Variants in ADAMTS2 observed in about 807,000 individuals in gnomAD.
The protein encoded by ADAMTS2 is A disintegrin and metalloproteinase with thrombospondin motifs 2.
ADAMTS2 carries 50 observed loss-of-function variants against 123.0 expected under a neutral mutation model. The observed-to-expected ratio is 0.41, with a 90% CI of 0.32 to 0.51. The LOEUF (loss-of-function observed/expected upper bound fraction) is 0.51. Among genes scored for constraint, ADAMTS2 ranks in the 20% least tolerant of loss-of-function variants. The probability of loss-of-function intolerance (pLI) is 0.35; values close to 1 mark genes in which losing one functional copy is unlikely to be tolerated. For synonymous variants in ADAMTS2, 678 were observed against 695.4 expected (o/e 0.98, Z 0.39); for missense variants, 1,494 against 1,705.2 (o/e 0.88, Z 2.18).
At chr5:179,215,869 G>A (rs922543889) in intron 3 of ADAMTS2, among the ~76,000 whole-genome samples, 3 of 152,216 alleles carry the variant, frequency 2.0e-5, no homozygotes, top group African/African-American at 7.2e-5. Flanking sequence ...CAGGAAAACA[G>A]TGGAGGAAAG....
At chr5:179,145,846 T>A (rs1462047565) in intron 10 of ADAMTS2, among the ~76,000 whole-genome samples, 1 of 152,206 alleles carries the variant, frequency 6.6e-6, no homozygotes, top group African/African-American at 2.4e-5. Flanking sequence ...TTGTACACTC[T>A]CTTTTACTTA....
At chr5:179,134,725 G>A (rs112749611) in intron 13 of ADAMTS2, among the ~76,000 whole-genome samples, 3 of 113,916 alleles carry the variant, frequency 2.6e-5, no homozygotes, top group Non-Finnish European at 6.6e-5. Flanking sequence ...GCACCCTCCC[G>A]GCTCCAGCTC....
chr5:179,246,397 T>C (rs932165021), intron 3 of ADAMTS2, among the ~76,000 whole-genome samples: 1 of 152,138 alleles, frequency 6.6e-6, no homozygotes, highest in South Asian at 2.1e-4. Flanking sequence ...GGTAAATGTA[T>C]TAGCTGCAGA....
intron 10 of ADAMTS2, among the ~76,000 whole-genome samples, chr5:179,147,597 C>G (rs888234392): frequency 2.0e-5 from 3 of 152,236 alleles, no homozygotes; most frequent in African/African-American, 7.2e-5. Context: ...AGCACACAGC[C>G]TGTATTCTGC....
chr5:179,130,101 G>A lies in ADAMTS2; in HGVS notation c.2291-3C>T, dbSNP rs1489283467. ...GCCTGTCTCCAGGTTCTTGACGGCT[G>A]AGAATGGCAAGACCAAGTCCCCCGT... On this transcript the variant is annotated splice_polypyrimidine_tract_variant and splice_region_variant and intron_variant, in intron 15 of 21. Coordinates refer to ENST00000251582, the MANE Select transcript of ADAMTS2 (RefSeq NM_014244.5). This position sits in a 1 kb window ranked among gnomAD's most constrained non-coding sequence, Gnocchi z 4.3. 1 of 1,613,808 alleles carries A rather than the reference G, an allele frequency of 6.2e-7. No homozygotes were observed. The highest frequency in any genetic ancestry group is 1.3e-5 in the African/African-American group (1 of 74,950).
intron 4 of ADAMTS2, among the ~76,000 whole-genome samples, chr5:179,187,095 C>T (rs1027017236): frequency 6.6e-6 from 1 of 152,182 alleles, no homozygotes; most frequent in Non-Finnish European, 1.5e-5. Flanking sequence ...GCTGCCCTCT[C>T]CTGCTGCCTG....
chr5:179,309,476 A>G (rs903762252), intron 2 of ADAMTS2, among the ~76,000 whole-genome samples: 1 of 152,178 alleles, frequency 6.6e-6, no homozygotes, highest in African/African-American at 2.4e-5. Context: ...CCCTCCAGAC[A>G]CTGCAGAAAG....
chr5:179,236,360 C>A (rs1403754516), intron 3 of ADAMTS2, among the ~76,000 whole-genome samples: 1 of 152,202 alleles, frequency 6.6e-6, no homozygotes, highest in Non-Finnish European at 1.5e-5. Flanking sequence ...AGGAGACTAA[C>A]CATCAAATTC....
intron 4 of ADAMTS2, among the ~76,000 whole-genome samples, chr5:179,200,334 C>G (rs1475148377): frequency 6.6e-6 from 1 of 150,964 alleles, no homozygotes; most frequent in Non-Finnish European, 1.5e-5. Flanking sequence ...CCGCAACCTC[C>G]GCCTCCCAGG....
intron 2 of ADAMTS2, among the ~76,000 whole-genome samples, chr5:179,299,796 C>A (rs1439788790): frequency 6.6e-6 from 1 of 152,052 alleles, no homozygotes; most frequent in Non-Finnish European, 1.5e-5. Context: ...CTGCCTCCAT[C>A]TTCTACTTTT....
At position 179,317,602 on chromosome 5, in the gene ADAMTS2, T is replaced by C. The variant is rs1051439421; in HGVS notation, c.534+26165A>G. On this transcript the variant is annotated intron_variant, in intron 2 of 21. Coordinates refer to ENST00000251582, the MANE Select transcript of ADAMTS2 (RefSeq NM_014244.5). The surrounding 1 kb of genome is among the most constrained non-coding windows in gnomAD (Gnocchi z 4.9). ...TGGGTGGCCAGCAGCACTGCAGTGTTGGTGTAATCTATGTCCCCCGGATGG... is the reference window on the plus strand; with the variant it reads ...TGGGTGGCCAGCAGCACTGCAGTGTCGGTGTAATCTATGTCCCCCGGATGG... Among the ~76,000 whole-genome samples the C allele has an allele frequency of 3.3e-5, 5 of 152,104 alleles. No homozygotes were observed. Among genetic ancestry groups the C allele is most frequent in the African/African-American group, 1.2e-4 (5 of 41,422 alleles).
At position 179,158,827 on chromosome 5, in the gene ADAMTS2, C is replaced by G. The variant is rs1434089257; in HGVS notation, c.1028G>C (p.Cys343Ser). ...CTTCTGCTGGAGGTAGGCCCAGCGG[C>G]AGACATTCTCCAGGCTCTGAGAGGG... Reference protein sequence around the residue: ...GNPSQSLENVCRWAYLQQKPD... With the variant: ...GNPSQSLENVSRWAYLQQKPD... Residue 343 changes from cysteine to serine, a missense_variant, in exon 6 of 22, where the codon TGC becomes TCC. By Grantham distance (112) the Cys-to-Ser change is moderately radical. Coordinates refer to ENST00000251582, the MANE Select transcript of ADAMTS2 (RefSeq NM_014244.5). The surrounding 1 kb of genome is among the most constrained non-coding windows in gnomAD (Gnocchi z 5.0). 2 of 1,614,208 alleles carry G rather than the reference C, an allele frequency of 1.2e-6. No individual in the cohort carries two copies. Among genetic ancestry groups the G allele is most frequent in the African/African-American group, 1.3e-5 (1 of 75,074 alleles).
intron 3 of ADAMTS2, among the ~76,000 whole-genome samples, chr5:179,229,358 C>T (rs529009638): frequency 5.2e-5 from 5 of 96,262 alleles, no homozygotes; most frequent in South Asian, 4.1e-4. Flanking sequence ...CCACTCCCGA[C>T]GGAGAGGTAA....
At chr5:179,166,072 T>G (rs1457483663) in intron 5 of ADAMTS2, among the ~76,000 whole-genome samples, 1 of 152,120 alleles carries the variant, frequency 6.6e-6, no homozygotes, top group African/African-American at 2.4e-5. Flanking sequence ...ACTGCCCGAG[T>G]GCTCTGGGGC....
intron 3 of ADAMTS2, among the ~76,000 whole-genome samples, chr5:179,209,533 C>A (rs1764799743): frequency 6.6e-6 from 1 of 150,862 alleles, no homozygotes; most frequent in African/African-American, 2.5e-5. Flanking sequence ...CACACACACA[C>A]ACATGCACAC....
chr5:179,214,586 G>C (rs1023510723), intron 3 of ADAMTS2, among the ~76,000 whole-genome samples: 1 of 142,460 alleles, frequency 7.0e-6, no homozygotes, highest in Non-Finnish European at 1.6e-5. Context: ...CAAGAAAGCA[G>C]AGTGGAAAAA....
chr5:179,126,199 G>A (rs1762855197), intron 17 of ADAMTS2, 69 bp from the exon 18 acceptor site: 1 of 1,599,162 alleles, frequency 6.3e-7, no homozygotes, highest in African/African-American at 1.3e-5. Context: ...AGGAGGGGTG[G>A]GCTGCACCAG....
intron 6 of ADAMTS2, among the ~76,000 whole-genome samples, chr5:179,156,468 T>C (rs1763474342): frequency 6.6e-6 from 1 of 151,560 alleles, no homozygotes. Flanking sequence ...CAGTCCATTC[T>C]ACTGCCTCAG....
chr5:179,221,914 C>A (rs756181513), intron 3 of ADAMTS2, among the ~76,000 whole-genome samples: 4 of 152,166 alleles, frequency 2.6e-5, no homozygotes, highest in Admixed American at 1.3e-4. Context: ...GCCTGCCCAA[C>A]CTTTGTTTCT....
Sources: gnomAD v4.1 joint callset for allele counts (sites outside exome capture counted in the v4.1 genomes callset) on GRCh38, gnomAD v4.1.1 for gene constraint, Gnocchi (gnomAD v3.1) non-coding constraint, MANE v1.5 for transcripts, NCBI Gene and HGNC (gene_info 2026-07-23, HGNC 2026-07-21) for gene names.